Variants in SHROOM3 observed in about 807,000 individuals in gnomAD.
The protein encoded by SHROOM3 is shroom family member 3, also known as protein Shroom3.
Under a neutral mutation model 138.6 loss-of-function variants are expected in SHROOM3, and 47 were observed. The observed-to-expected ratio is 0.34, with a 90% CI of 0.27 to 0.43. The LOEUF (loss-of-function observed/expected upper bound fraction) is 0.43, where lower values mean the gene tolerates loss of function less well. Ranked by LOEUF, SHROOM3 falls within the 20% of genes least tolerant of loss-of-function variation. The pLI, the probability that SHROOM3 is intolerant of heterozygous loss-of-function variation, is 1.00. For synonymous variants in SHROOM3, 1,062 were observed against 1,063.3 expected, an observed-to-expected ratio of 1.00 and a Z score of 0.02; for missense variants, 2,491 against 2,596.5, an observed-to-expected ratio of 0.96 and a Z score of 0.88.
intron 2 of SHROOM3, among the ~76,000 whole-genome samples, chr4:76,609,439 T>C (rs576859393): frequency 1.3e-5 from 2 of 152,306 alleles, no homozygotes; most frequent in African/African-American, 4.8e-5. Context: ...TATGCCACCA[T>C]GCCCAGCTAA....
At chr4:76,515,155 C>T (rs1434852726) in intron 1 of SHROOM3, among the ~76,000 whole-genome samples, 1 of 148,880 alleles carries the variant, frequency 6.7e-6, no homozygotes. Flanking sequence ...GTAGAAGTTG[C>T]AGTGAGCTGA....
intron 3 of SHROOM3, among the ~76,000 whole-genome samples, chr4:76,711,197 A>G (rs190422189): frequency 6.6e-6 from 1 of 152,298 alleles, no homozygotes; most frequent in African/African-American, 2.4e-5. Flanking sequence ...ATTCAAGCCT[A>G]GATTCTGCCA....
In SHROOM3 at chr4:76,528,249, A is replaced by G. The variant is rs1362609156; in HGVS notation, c.169-27360A>G. Among the ~76,000 whole-genome samples the G allele has an allele frequency of 2.6e-5, 4 of 152,248 alleles. No homozygotes were observed. In the East Asian group the frequency reaches 7.7e-4, roughly 29 times the overall value. On this transcript the variant is annotated intron_variant, in intron 1 of 10. Coordinates refer to ENST00000296043, the MANE Select transcript of SHROOM3 (RefSeq NM_020859.4). ...CCCAATTTCTACTTGGTAATAGAAA[A>G]CTATATCTTTCTAATTCAAGATAAA...
Position 76,513,463 on chromosome 4 carries a change from G to C in SHROOM3, c.169-42146G>C, listed in dbSNP as rs188204316. On this transcript the variant is annotated intron_variant, in intron 1 of 10. Transcript: ENST00000296043. ...CGCGTAGCTGGGACTACAGGCACCT[G>C]CCACCACGCCCAGCTAATTTTTGTA... Among the ~76,000 whole-genome samples, 5 of 152,196 alleles carry C rather than the reference G, an allele frequency of 3.3e-5. No individual in the cohort carries two copies. The East Asian group carries it at 7.7e-4, about 24-fold the overall frequency.
intron 2 of SHROOM3, among the ~76,000 whole-genome samples, chr4:76,649,684 T>C (rs779562959): frequency 9.2e-5 from 14 of 152,230 alleles, no homozygotes; most frequent in African/African-American, 2.4e-4. Flanking sequence ...CCCCATCTGA[T>C]ACAAAATAAT....
At chr4:76,768,388 C>A (rs1421293141) in intron 9 of SHROOM3, among the ~76,000 whole-genome samples, 1 of 152,062 alleles carries the variant, frequency 6.6e-6, no homozygotes, top group Non-Finnish European at 1.5e-5. Context: ...TAGCTTCCAG[C>A]CAGAATTGCT....
intron 6 of SHROOM3, among the ~76,000 whole-genome samples, chr4:76,752,647 AAC>A (rs746756912): frequency 1.3e-5 from 2 of 152,220 alleles, no homozygotes; most frequent in Non-Finnish European, 2.9e-5. Context: ...CATTCCTAAA[AAC>A]ACAAAATAAT....
At chr4:76,716,779 T>G (rs1337526640) in intron 3 of SHROOM3, among the ~76,000 whole-genome samples, 1 of 152,238 alleles carries the variant, frequency 6.6e-6, no homozygotes, top group African/African-American at 2.4e-5. Context: ...CTGGGGAATT[T>G]CAGAGTAACC....
At chr4:76,613,888 C>G (rs1274651301) in intron 2 of SHROOM3, among the ~76,000 whole-genome samples, 1 of 152,164 alleles carries the variant, frequency 6.6e-6, no homozygotes, top group East Asian at 1.9e-4. Flanking sequence ...GAAGGTCAAC[C>G]CCCGTATTTT....
chr4:76,532,848 G>A (rs1427365980), intron 1 of SHROOM3, among the ~76,000 whole-genome samples: 1 of 152,082 alleles, frequency 6.6e-6, no homozygotes, highest in Non-Finnish European at 1.5e-5. Context: ...ATGCTCTGGT[G>A]ATTGCCAGCA....
chr4:76,653,376 C>T (rs1286992816), intron 2 of SHROOM3, among the ~76,000 whole-genome samples: 2 of 151,924 alleles, frequency 1.3e-5, no homozygotes, highest in East Asian at 3.9e-4. Context: ...ATGGTAGAAG[C>T]ATAGCACCTT....
At chr4:76,753,018 C>T (rs772229191) in intron 6 of SHROOM3, among the ~76,000 whole-genome samples, 21 of 152,186 alleles carry the variant, frequency 1.4e-4, no homozygotes, top group Non-Finnish European at 2.8e-4. Flanking sequence ...CACTGTTCAA[C>T]AGACATTTGC....
intron 1 of SHROOM3, among the ~76,000 whole-genome samples, chr4:76,516,834 A>G (rs993332818): frequency 3.9e-5 from 6 of 152,168 alleles, no homozygotes; most frequent in Admixed American, 6.5e-5. Flanking sequence ...AATCTGTGAA[A>G]AAGTTTTACA....
At chr4:76,599,150 A>T (rs367759154) in intron 2 of SHROOM3, among the ~76,000 whole-genome samples, 1 of 152,140 alleles carries the variant, frequency 6.6e-6, no homozygotes, top group South Asian at 2.1e-4. Flanking sequence ...GTAAAGATCA[A>T]TAAACCCAAG....
At chr4:76,483,949 A>G (rs896550170) in intron 1 of SHROOM3, among the ~76,000 whole-genome samples, 3 of 137,112 alleles carry the variant, frequency 2.2e-5, no homozygotes, top group African/African-American at 8.0e-5. Flanking sequence ...CAGTGAGAAC[A>G]TGTGGACACA....
chr4:76,544,708 T>C (rs567059266), intron 1 of SHROOM3, among the ~76,000 whole-genome samples: 4 of 152,316 alleles, frequency 2.6e-5, no homozygotes, highest in South Asian at 2.1e-4. Flanking sequence ...GTTTATTCTT[T>C]ATATATTGCC....
At chr4:76,545,539 G>A (rs995531005) in intron 1 of SHROOM3, among the ~76,000 whole-genome samples, 1 of 152,120 alleles carries the variant, frequency 6.6e-6, no homozygotes, top group African/African-American at 2.4e-5. Flanking sequence ...CTGGTTCTTT[G>A]ACTTTAAGAA....
chr4:76,469,053 T>A (rs1381073985), intron 1 of SHROOM3, among the ~76,000 whole-genome samples: 2 of 145,112 alleles, frequency 1.4e-5, no homozygotes, highest in Non-Finnish European at 1.5e-5. Context: ...AAAAAAAAAA[T>A]TAGCCGGACA....
chr4:76,605,250 C>T (rs557175917), intron 2 of SHROOM3, among the ~76,000 whole-genome samples: 1 of 152,200 alleles, frequency 6.6e-6, no homozygotes, highest in Non-Finnish European at 1.5e-5. Context: ...TCAGAGTGAA[C>T]TTTAATTAAA....
Sources: allele counts gnomAD v4.1 joint callset (sites outside exome capture counted in the v4.1 genomes callset), GRCh38; gene constraint gnomAD v4.1.1; transcripts MANE v1.5; gene names NCBI Gene and HGNC (gene_info 2026-07-23, HGNC 2026-07-21).